SLIT2: variants seen among roughly 807,000 people sequenced by gnomAD.
The protein encoded by SLIT2 is slit guidance ligand 2, also known as slit homolog 2 protein.
In SLIT2, 41 loss-of-function variants were observed where a neutral mutation model predicts 185.7. That is an observed-to-expected ratio of 0.22 (90% CI 0.17 to 0.29). SLIT2 has a LOEUF of 0.29. Among genes scored for constraint, SLIT2 ranks in the 10% least tolerant of loss-of-function variants. The probability of loss-of-function intolerance (pLI) is 1.00; values close to 1 mark genes in which losing one functional copy is unlikely to be tolerated. For synonymous variants in SLIT2, 693 were observed against 680.2 expected, an observed-to-expected ratio of 1.02 and a Z score of -0.29; for missense variants, 1,571 against 1,909.0, an observed-to-expected ratio of 0.82 and a Z score of 3.30.
chr4:20,515,804 A>G (rs1720152233), intron 11 of SLIT2, among the ~76,000 whole-genome samples: 1 of 152,074 alleles, frequency 6.6e-6, no homozygotes, highest in African/African-American at 2.4e-5. Flanking sequence ...TCTCTTCAGT[A>G]GGAGTTGTCT....
At chr4:20,558,747 T>A (rs1018447756) in intron 26 of SLIT2, among the ~76,000 whole-genome samples, 1 of 152,106 alleles carries the variant, frequency 6.6e-6, no homozygotes, top group South Asian at 2.1e-4. Context: ...AATGGAAATA[T>A]GTTTCAGGGA....
At chr4:20,510,831 G>T (rs1302008063) in intron 10 of SLIT2, among the ~76,000 whole-genome samples, 1 of 152,090 alleles carries the variant, frequency 6.6e-6, no homozygotes, top group Non-Finnish European at 1.5e-5. Flanking sequence ...ATATGTTCAG[G>T]TGTTCTATTG....
chr4:20,466,499 G>A (rs190175796), intron 4 of SLIT2, among the ~76,000 whole-genome samples: 21 of 151,276 alleles, frequency 1.4e-4, no homozygotes, highest in Admixed American at 2.0e-4. Flanking sequence ...TTTTTTTTAC[G>A]AATTGCTTAG....
At chr4:20,341,689 A>C (rs529223318) in intron 4 of SLIT2, among the ~76,000 whole-genome samples, 138 of 152,312 alleles carry the variant, frequency 9.1e-4, no homozygotes, top group African/African-American at 3.2e-3. Context: ...AGGTTGAAAA[A>C]GATCAACAAA....
intron 26 of SLIT2, among the ~76,000 whole-genome samples, chr4:20,555,663 T>G (rs1724192616): frequency 6.6e-6 from 1 of 152,078 alleles, no homozygotes; most frequent in Admixed American, 6.5e-5. Flanking sequence ...TCAACGTTTT[T>G]AATTTGGCCT....
chr4:20,556,366 C>T (rs1724252244), intron 26 of SLIT2, among the ~76,000 whole-genome samples: 1 of 151,920 alleles, frequency 6.6e-6, no homozygotes, highest in African/African-American at 2.4e-5. Flanking sequence ...TCTGTTACAC[C>T]TTTCTGTGCC....
chr4:20,500,255 C>T (rs1718597564), intron 9 of SLIT2, among the ~76,000 whole-genome samples: 1 of 152,036 alleles, frequency 6.6e-6, no homozygotes, highest in African/African-American at 2.4e-5. Flanking sequence ...ACATATTCAA[C>T]TTAAGGATAA....
chr4:20,529,519 T>G (rs1050205379), intron 16 of SLIT2, among the ~76,000 whole-genome samples: 1 of 152,218 alleles, frequency 6.6e-6, no homozygotes, highest in African/African-American at 2.4e-5. Flanking sequence ...GGAGTCTGTC[T>G]TACCTAATTT....
At chr4:20,600,015 A>T (rs916204422) in intron 33 of SLIT2, among the ~76,000 whole-genome samples, 4 of 152,252 alleles carry the variant, frequency 2.6e-5, no homozygotes, top group African/African-American at 9.6e-5. Flanking sequence ...TTCCAAGTTG[A>T]ATACAATACT....
At chr4:20,365,959 A>G (rs1560356825) in intron 4 of SLIT2, among the ~76,000 whole-genome samples, 2 of 152,176 alleles carry the variant, frequency 1.3e-5, no homozygotes, top group African/African-American at 4.8e-5. Flanking sequence ...AAATTGTGCT[A>G]TATGAATTAG....
At chr4:20,442,142 A>G (rs975551907) in intron 4 of SLIT2, among the ~76,000 whole-genome samples, 1 of 152,040 alleles carries the variant, frequency 6.6e-6, no homozygotes, top group African/African-American at 2.4e-5. Flanking sequence ...ACCAATGGAG[A>G]ACAGATTGCG....
chr4:20,454,437 T>C (rs1712821133), intron 4 of SLIT2, among the ~76,000 whole-genome samples: 1 of 152,218 alleles, frequency 6.6e-6, no homozygotes, highest in South Asian at 2.1e-4. Context: ...TAATCTGTAA[T>C]GACATTTACA....
chr4:20,303,639 G>A (rs1286382062), intron 4 of SLIT2, among the ~76,000 whole-genome samples: 1 of 152,120 alleles, frequency 6.6e-6, no homozygotes, highest in East Asian at 1.9e-4. Context: ...TCCACTGAAT[G>A]GATAAACAAA....
chr4:20,468,085 A>C (rs1001198607), intron 5 of SLIT2, among the ~76,000 whole-genome samples: 3 of 152,052 alleles, frequency 2.0e-5, no homozygotes, highest in African/African-American at 7.2e-5. Flanking sequence ...CTATGAAGTG[A>C]TTTGATTCGC....
At chr4:20,600,123 T>G (rs1332898047) in intron 33 of SLIT2, among the ~76,000 whole-genome samples, 1 of 152,210 alleles carries the variant, frequency 6.6e-6, no homozygotes. Flanking sequence ...CATAAAAAGA[T>G]TTCAGAAATT....
At chr4:20,392,905 C>G (rs1161912353) in intron 4 of SLIT2, among the ~76,000 whole-genome samples, 1 of 152,046 alleles carries the variant, frequency 6.6e-6, no homozygotes, top group African/African-American at 2.4e-5. Context: ...GGCCATGTTA[C>G]AGTTAACTTT....
chr4:20,287,218 T>C (rs1715347903), intron 4 of SLIT2, among the ~76,000 whole-genome samples: 1 of 152,172 alleles, frequency 6.6e-6, no homozygotes, highest in Non-Finnish European at 1.5e-5. Flanking sequence ...TCTGCCTTCT[T>C]CACCAGTAAA....
intron 4 of SLIT2, among the ~76,000 whole-genome samples, chr4:20,361,587 A>G (rs1458348309): frequency 6.6e-6 from 1 of 152,116 alleles, no homozygotes; most frequent in African/African-American, 2.4e-5. Flanking sequence ...CAAAACCACA[A>G]TTACTTTTGT....
At chr4:20,281,256 T>C (rs1334768132) in intron 4 of SLIT2, among the ~76,000 whole-genome samples, 1 of 152,214 alleles carries the variant, frequency 6.6e-6, no homozygotes, top group Non-Finnish European at 1.5e-5. Flanking sequence ...TAATCACCTG[T>C]CTCTCAAACA....
Sources: gnomAD v4.1 joint callset for allele counts (sites outside exome capture counted in the v4.1 genomes callset) on GRCh38, gnomAD v4.1.1 for gene constraint, MANE v1.5 for transcripts, NCBI Gene and HGNC (gene_info 2026-07-23, HGNC 2026-07-21) for gene names.